NCALD: variants seen among roughly 807,000 people sequenced by gnomAD.
The protein encoded by NCALD is neurocalcin-delta.
Under a neutral mutation model 18.6 loss-of-function variants are expected in NCALD, and 10 were observed. The ratio of observed to expected loss-of-function variants is 0.54; its 90% CI spans 0.33 to 0.91. The LOEUF (loss-of-function observed/expected upper bound fraction) is 0.91. Ranked by LOEUF, NCALD falls within the 40% of genes least tolerant of loss-of-function variation. NCALD has a pLI of 0.03. For missense variants in NCALD, 184 were observed against 247.6 expected (o/e 0.74, Z 1.72); for synonymous variants, 88 against 87.4 (o/e 1.01, Z -0.04).
At chr8:101,946,112 G>A (rs1026833454) in intron 2 of NCALD, among the ~76,000 whole-genome samples, 2 of 152,122 alleles carry the variant, frequency 1.3e-5, no homozygotes, top group African/African-American at 4.8e-5. Flanking sequence ...ATAAAGCAAA[G>A]CTCCGTCTTC....
At chr8:101,724,466 G>A (rs553108561) in intron 1 of NCALD, among the ~76,000 whole-genome samples, 79 of 152,328 alleles carry the variant, frequency 5.2e-4, no homozygotes, top group Admixed American at 1.4e-3. Flanking sequence ...TTACTAGCTG[G>A]TGGGTAATTC....
chr8:102,001,965 C>T (rs1287194978), intron 2 of NCALD, among the ~76,000 whole-genome samples: 1 of 152,144 alleles, frequency 6.6e-6, no homozygotes, highest in Non-Finnish European at 1.5e-5. Context: ...GAAACTACAT[C>T]AACTAATGAG....
chr8:101,931,898 T>TA (rs1221531806), intron 2 of NCALD, among the ~76,000 whole-genome samples: 1 of 152,124 alleles, frequency 6.6e-6, no homozygotes, highest in East Asian at 1.9e-4. Flanking sequence ...GTCTCACTCA[T>TA]AGCCCAGGCC....
intron 1 of NCALD, among the ~76,000 whole-genome samples, chr8:102,115,845 G>T (rs1287534308): frequency 6.6e-6 from 1 of 152,186 alleles, no homozygotes; most frequent in Non-Finnish European, 1.5e-5. Flanking sequence ...AACAGGACCA[G>T]TGGCAGCTCT....
At chr8:101,933,021 A>G (rs1286273670) in intron 2 of NCALD, among the ~76,000 whole-genome samples, 9 of 152,230 alleles carry the variant, frequency 5.9e-5, no homozygotes, top group Non-Finnish European at 8.8e-5. Context: ...ACACATATGC[A>G]CATATACACA....
At chr8:101,695,466 G>A (rs569981530) in intron 2 of NCALD, among the ~76,000 whole-genome samples, 1 of 152,120 alleles carries the variant, frequency 6.6e-6, no homozygotes, top group Non-Finnish European at 1.5e-5. Flanking sequence ...AAAGGCTGTT[G>A]TCAAGAGTCT....
At chr8:101,772,806 TG>T (rs1811638575) in intron 1 of NCALD, among the ~76,000 whole-genome samples, 1 of 152,160 alleles carries the variant, frequency 6.6e-6, no homozygotes, top group South Asian at 2.1e-4. Flanking sequence ...GGACAACATT[TG>T]GTTCACCATC....
chr8:102,093,104 A>C (rs1824977662), intron 1 of NCALD, among the ~76,000 whole-genome samples: 1 of 152,032 alleles, frequency 6.6e-6, no homozygotes, highest in Admixed American at 6.6e-5. Context: ...GGCTGCAATG[A>C]GCCATGATCA....
chr8:101,996,786 A>G (rs1395543779), intron 2 of NCALD, among the ~76,000 whole-genome samples: 1 of 152,254 alleles, frequency 6.6e-6, no homozygotes, highest in Non-Finnish European at 1.5e-5. Flanking sequence ...AGATGCATCA[A>G]TGTTACAACC....
chr8:101,957,289 G>GTTT (rs11305701), intron 2 of NCALD, among the ~76,000 whole-genome samples: 5,737 of 99,376 alleles, frequency 0.058, 249 homozygotes, highest in South Asian at 0.11. Flanking sequence ...AAAAGTTGGG[G>GTTT]TTTTTTTTTT....
intron 2 of NCALD, among the ~76,000 whole-genome samples, chr8:101,930,200 C>T (rs1317766661): frequency 6.6e-6 from 1 of 151,784 alleles, no homozygotes; most frequent in African/African-American, 2.4e-5. Context: ...AGAAAAATAA[C>T]ATATTTTTAT....
At chr8:102,065,481 T>G (rs1823980959) in intron 1 of NCALD, among the ~76,000 whole-genome samples, 1 of 152,132 alleles carries the variant, frequency 6.6e-6, no homozygotes, top group Non-Finnish European at 1.5e-5. Context: ...TGCTTACAAA[T>G]GAAACAGAGG....
At chr8:102,093,297 A>G (rs1254350257) in intron 1 of NCALD, among the ~76,000 whole-genome samples, 2 of 152,230 alleles carry the variant, frequency 1.3e-5, no homozygotes, top group East Asian at 3.8e-4. Context: ...TGGGGTCTGA[A>G]TAATAGTTTG....
intron 1 of NCALD, among the ~76,000 whole-genome samples, chr8:102,077,845 C>T (rs770276903): frequency 1.1e-4 from 16 of 152,212 alleles, no homozygotes; most frequent in Non-Finnish European, 1.5e-4. Flanking sequence ...TCATCTCCAC[C>T]TCTAGATATC....
chr8:101,766,731 C>T (rs1444786793), intron 1 of NCALD, among the ~76,000 whole-genome samples: 1 of 152,094 alleles, frequency 6.6e-6, no homozygotes, highest in African/African-American at 2.4e-5. Flanking sequence ...CGCATGCCAC[C>T]ATGCCTGGCT....
chr8:101,825,742 T>C lies in NCALD; in HGVS notation c.-20+61399A>G, dbSNP rs144487104. Among the ~76,000 whole-genome samples, 11 of 151,968 alleles carry C rather than the reference T, an allele frequency of 7.2e-5. No homozygotes were observed. The East Asian group carries it at 1.9e-3, about 27-fold the overall frequency. Reference sequence around the variant, plus strand: ...AGCAGGGGTCTGTGAACTTTTTCTGTAAAGGGTCAGATATTAAACATTTTA... The same window carrying C: ...AGCAGGGGTCTGTGAACTTTTTCTGCAAAGGGTCAGATATTAAACATTTTA... On this transcript the variant is annotated intron_variant, in intron 4 of 6. Coordinates refer to the NCALD transcript ENST00000311028.
At chr8:102,000,953 C>A (rs547819677) in intron 2 of NCALD, among the ~76,000 whole-genome samples, 1 of 152,296 alleles carries the variant, frequency 6.6e-6, no homozygotes, top group Non-Finnish European at 1.5e-5. Context: ...ACTGAAAAAT[C>A]TAAAAATCAG....
intron 2 of NCALD, among the ~76,000 whole-genome samples, chr8:102,010,890 C>CA (rs1264221915): frequency 6.6e-6 from 1 of 152,168 alleles, no homozygotes; most frequent in Admixed American, 6.5e-5. Flanking sequence ...AACCAATGAG[C>CA]AACTCAATCA....
intron 2 of NCALD, among the ~76,000 whole-genome samples, chr8:101,983,523 C>A (rs935883134): frequency 6.6e-6 from 1 of 152,172 alleles, no homozygotes; most frequent in Non-Finnish European, 1.5e-5. Context: ...GTTAAATTCA[C>A]CCATGCAACT....
Sources: gnomAD v4.1 joint callset for allele counts (sites outside exome capture counted in the v4.1 genomes callset) on GRCh38, gnomAD v4.1.1 for gene constraint, MANE v1.5 for transcripts, NCBI Gene and HGNC (gene_info 2026-07-23, HGNC 2026-07-21) for gene names.